DENND1A: variants seen among roughly 807,000 people sequenced by gnomAD.
DENND1A encodes DENN domain containing 1A.
In DENND1A, 51 loss-of-function variants were observed where a neutral mutation model predicts 113.7. The ratio of observed to expected loss-of-function variants is 0.45; its 90% CI spans 0.36 to 0.57. The LOEUF (loss-of-function observed/expected upper bound fraction) is 0.57, where lower values mean the gene tolerates loss of function less well. DENND1A is among the 20% of genes least tolerant of loss of function. The pLI is 0.00. For missense variants in DENND1A, 1,258 were observed against 1,395.9 expected, an observed-to-expected ratio of 0.90 and a Z score of 1.57; for synonymous variants, 565 against 570.8, an observed-to-expected ratio of 0.99 and a Z score of 0.14.
At chr9:123,646,535 C>T (rs2062340456) in intron 9 of DENND1A, among the ~76,000 whole-genome samples, 1 of 152,010 alleles carries the variant, frequency 6.6e-6, no homozygotes, top group African/African-American at 2.4e-5. Flanking sequence ...GAGTAATTTC[C>T]TTGAAGGAAA....
At chr9:123,921,934 CTTTTT>C (rs970470324) in intron 1 of DENND1A, among the ~76,000 whole-genome samples, 2 of 107,328 alleles carry the variant, frequency 1.9e-5, no homozygotes, top group African/African-American at 7.1e-5. Flanking sequence ...TTTCTTTTTT[CTTTTT>C]GAGACAGGGT....
intron 5 of DENND1A, among the ~76,000 whole-genome samples, chr9:123,679,521 C>T (rs2064304745): frequency 6.6e-6 from 1 of 152,226 alleles, no homozygotes; most frequent in Non-Finnish European, 1.5e-5. Flanking sequence ...TTTGGCCTGA[C>T]CGGACACAAC....
chr9:123,679,461 G>A (rs2064301394), intron 5 of DENND1A, among the ~76,000 whole-genome samples: 1 of 152,172 alleles, frequency 6.6e-6, no homozygotes, highest in Admixed American at 6.5e-5. Context: ...AGAACCACTG[G>A]CCACAAGAAG....
chr9:123,559,409 T>C (rs1037935828), intron 12 of DENND1A, among the ~76,000 whole-genome samples: 7 of 152,140 alleles, frequency 4.6e-5, no homozygotes, highest in South Asian at 2.1e-4. Flanking sequence ...TAGGATAAAA[T>C]AGAAAATTAG....
At chr9:123,881,485 T>C (rs1232907162) in intron 1 of DENND1A, among the ~76,000 whole-genome samples, 2 of 152,242 alleles carry the variant, frequency 1.3e-5, no homozygotes, top group African/African-American at 2.4e-5. Context: ...CTGAATTTCA[T>C]CTCAGAATTT....
intron 1 of DENND1A, among the ~76,000 whole-genome samples, chr9:123,918,069 G>T (rs1044986388): frequency 6.8e-6 from 1 of 148,092 alleles, no homozygotes. Context: ...AGCCAAGATC[G>T]CGTCACTGCA....
intron 8 of DENND1A, among the ~76,000 whole-genome samples, chr9:123,663,849 CA>C (rs202019987): frequency 2.3e-3 from 309 of 137,304 alleles, no homozygotes; most frequent in Non-Finnish European, 3.4e-3. Flanking sequence ...AACTTAACAA[CA>C]AAAAAAAAAA....
chr9:123,783,908 G>T (rs917356131), intron 3 of DENND1A, among the ~76,000 whole-genome samples: 1 of 152,154 alleles, frequency 6.6e-6, no homozygotes, highest in Non-Finnish European at 1.5e-5. Context: ...CAAGCAAGAC[G>T]ACATAGGCGT....
intron 2 of DENND1A, chr9:123,843,044 T>C (rs944175306): frequency 1.8e-5 from 9 of 501,386 alleles, no homozygotes; most frequent in Non-Finnish European, 3.2e-5. Flanking sequence ...CCATGAAAGA[T>C]ACTGACATCA....
At chr9:123,760,023 A>G (rs2070904800) in intron 4 of DENND1A, among the ~76,000 whole-genome samples, 1 of 152,214 alleles carries the variant, frequency 6.6e-6, no homozygotes, top group Non-Finnish European at 1.5e-5. Context: ...ATTTTTGGTT[A>G]AAAAATCCAA....
rs190767417 is a variant in DENND1A at position 123,534,137 on chromosome 9, T to C, written c.993+23433A>G. On this transcript the variant is annotated intron_variant, in intron 13 of 23. Coordinates refer to ENST00000394215, the MANE Select transcript of DENND1A (RefSeq NM_001352964.2). Reference sequence around the variant, plus strand: ...ATAACACAATGAGCATCTGCGAACCTACCCTCCTAAAGAAACAGACATTTT... The same window carrying C: ...ATAACACAATGAGCATCTGCGAACCCACCCTCCTAAAGAAACAGACATTTT... 2.7e-3 allele frequency among the ~76,000 whole-genome samples: 410 copies of C among 152,364 alleles called. 1 individual carries two copies. The highest frequency in any genetic ancestry group is 9.3e-3 in the African/African-American group (387 of 41,586).
intron 1 of DENND1A, among the ~76,000 whole-genome samples, chr9:123,902,208 TAC>T (rs1337550178): frequency 2.6e-5 from 3 of 114,298 alleles, no homozygotes; most frequent in African/African-American, 3.7e-5. Flanking sequence ...CACACACACA[TAC>T]ACACACACGT....
rs2043669203 is a variant in DENND1A, at chr9:123,403,459, C to T, written c.1574G>A (p.Arg525Lys). Residue 525 changes from arginine to lysine, a missense_variant, in exon 21 of 24, where the codon AGA (arginine) becomes AAA (lysine). This residue lies in a region of DENND1A where 1,159 missense variants were observed against 1,231.7 expected (regional missense o/e 0.94). Coordinates refer to ENST00000394215, the MANE Select transcript of DENND1A (RefSeq NM_001352964.2). ...VRPPRPHVVKRPKSNIAVEGR... is the reference protein window; with the variant it reads ...VRPPRPHVVKKPKSNIAVEGR... ...TTCCACTGCGATGTTGCTCTTTGGT[C>T]TCTTAACAACATGTGGACGAGGTGG... 1 of 1,614,060 alleles carries T rather than the reference C, an allele frequency of 6.2e-7. No homozygotes were observed. The highest frequency in any genetic ancestry group is 1.3e-5 in the African/African-American group (1 of 74,922).
intron 2 of DENND1A, among the ~76,000 whole-genome samples, chr9:123,838,384 T>C (rs1226158232): frequency 6.6e-6 from 1 of 152,132 alleles, no homozygotes; most frequent in Non-Finnish European, 1.5e-5. Context: ...ATAATATGTA[T>C]ATACATATAT....
intron 12 of DENND1A, among the ~76,000 whole-genome samples, chr9:123,575,573 T>C (rs1221398965): frequency 1.3e-5 from 2 of 152,252 alleles, no homozygotes. Context: ...ACATCACTGG[T>C]GATGTTAAAA....
At chr9:123,504,179 C>G (rs1388907662) in intron 13 of DENND1A, among the ~76,000 whole-genome samples, 1 of 152,154 alleles carries the variant, frequency 6.6e-6, no homozygotes, top group Non-Finnish European at 1.5e-5. Context: ...GCATTTCAGC[C>G]TGGAATGAGT....
intron 2 of DENND1A, among the ~76,000 whole-genome samples, chr9:123,842,506 T>C (rs966243424): frequency 2.6e-5 from 4 of 151,618 alleles, no homozygotes; most frequent in Non-Finnish European, 2.9e-5. Flanking sequence ...TATGAACAAA[T>C]GTGTGCCAAT....
intron 4 of DENND1A, among the ~76,000 whole-genome samples, chr9:123,767,051 C>A (rs568403679): frequency 6.6e-6 from 1 of 152,256 alleles, no homozygotes. Context: ...TTTTCTAAGT[C>A]AAACAATATC....
intron 13 of DENND1A, among the ~76,000 whole-genome samples, chr9:123,546,331 C>G (rs371077215): frequency 3.6e-4 from 55 of 151,904 alleles, no homozygotes; most frequent in Non-Finnish European, 5.4e-4. Context: ...GGCAGATCAC[C>G]AGGTCAGGAG....
Sources: allele counts gnomAD v4.1 joint callset (sites outside exome capture counted in the v4.1 genomes callset), GRCh38; gene constraint gnomAD v4.1.1; regional missense constraint gnomAD v4.1.1; transcripts MANE v1.5; gene names NCBI Gene and HGNC (gene_info 2026-07-23, HGNC 2026-07-21).